COQ8A: variants seen among roughly 807,000 people sequenced by gnomAD.
COQ8A encodes the protein atypical kinase COQ8A, mitochondrial.
Under a neutral mutation model 65.0 loss-of-function variants are expected in COQ8A, and 51 were observed. The observed-to-expected ratio is 0.78, with a 90% CI of 0.63 to 0.99. COQ8A has a LOEUF of 0.99. Ranked by LOEUF, COQ8A falls within the 50% of genes least tolerant of loss-of-function variation. COQ8A has a pLI of 0.00. For synonymous variants in COQ8A, 371 were observed against 353.2 expected (o/e 1.05, Z -0.57); for missense variants, 940 against 875.0 (o/e 1.07, Z -0.94).
intron 1 of COQ8A, chr1:226,958,341 A>G (rs1465040220): frequency 6.6e-6 from 1 of 152,238 alleles, no homozygotes; most frequent in African/African-American, 2.4e-5. Flanking sequence ...GTACTGAGCT[A>G]CTGAGGAGGG....
intron 5 of COQ8A, 136 bp from the exon 6 acceptor site, chr1:226,981,891 G>C: frequency 7.5e-7 from 1 of 1,339,918 alleles, no homozygotes; most frequent in Non-Finnish European, 1.1e-6. Flanking sequence ...TGGAACAGTA[G>C]TTAGTTATGT....
At chr1:226,941,869 C>G (rs1346375174) in intron 1 of COQ8A, among the ~76,000 whole-genome samples, 1 of 151,956 alleles carries the variant, frequency 6.6e-6, no homozygotes, top group East Asian at 1.9e-4. Context: ...GATTTGGGGC[C>G]TAATGTTGAG....
At chr1:226,971,493 AGTGAGCCAAGATGGCGGC>A (rs1658907953) in intron 4 of COQ8A, among the ~76,000 whole-genome samples, 1 of 151,990 alleles carries the variant, frequency 6.6e-6, no homozygotes, top group Non-Finnish European at 1.5e-5. Context: ...TGGAGGTTGC[AGTGAGCCAAGATGGCGGC>A]GTTGCACTCC....
intron 3 of COQ8A, 99 bp from the exon 4 acceptor site, chr1:226,965,572 C>G: frequency 1.3e-6 from 2 of 1,521,650 alleles, no homozygotes; most frequent in Non-Finnish European, 1.8e-6. Context: ...GAGCTGCTGA[C>G]TGTGGGGTGG....
intron 1 of COQ8A, among the ~76,000 whole-genome samples, chr1:226,943,718 A>G (rs552065442): frequency 6.6e-5 from 10 of 152,242 alleles, no homozygotes; most frequent in Non-Finnish European, 1.0e-4. Flanking sequence ...TAATTTGCAT[A>G]CGGTAAATTC....
chr1:226,942,716 G>C (rs1054653488), intron 1 of COQ8A, among the ~76,000 whole-genome samples: 1 of 152,214 alleles, frequency 6.6e-6, no homozygotes, highest in Non-Finnish European at 1.5e-5. Flanking sequence ...TTACACAGCA[G>C]CGTGGACATG....
intron 4 of COQ8A, among the ~76,000 whole-genome samples, chr1:226,976,106 G>C (rs1220702367): frequency 2.7e-5 from 4 of 150,820 alleles, no homozygotes; most frequent in Admixed American, 6.6e-5. Context: ...GGGGCTGTGG[G>C]ACTGCGATGT....
Position 226,944,692 on chromosome 1 carries a change from TGAGAGAGAGAGAGAGAGAGAGAGAGA to T in COQ8A, c.-10+4325_-10+4350del, listed in dbSNP as rs1174520293. On this transcript the variant is annotated intron_variant, in intron 1 of 14. Coordinates refer to ENST00000366777, the MANE Select transcript of COQ8A (RefSeq NM_020247.5). Reference sequence around the variant, plus strand: ...CAGCATCCTTTGAGGAGTTGTACCCTGAGAGAGAGAGAGAGAGAGAGAGAGAGAGAGAGAGAGAGAGAGAGAGAGAG... The same window carrying T: ...CAGCATCCTTTGAGGAGTTGTACCCTGAGAGAGAGAGAGAGAGAGAGAGAG... 1.5e-3 allele frequency among the ~76,000 whole-genome samples: 130 copies of T among 86,746 alleles called. 4 individuals are homozygous for T. The highest frequency in any genetic ancestry group is 5.5e-3 in the African/African-American group (119 of 21,492). The allele number at this position is 86,746 out of a possible 152,430, so 56.9% of individuals were successfully genotyped here.
chr1:226,979,699 A>C (rs1173579186), intron 5 of COQ8A, among the ~76,000 whole-genome samples: 1 of 152,008 alleles, frequency 6.6e-6, no homozygotes, highest in Non-Finnish European at 1.5e-5. Flanking sequence ...TTCACCCACC[A>C]ACGCTGCCTT....
At position 226,946,892 on chromosome 1, in the gene COQ8A, G is replaced by C. The variant is rs1400889080; in HGVS notation, c.-10+6493G>C. On this transcript the variant is annotated intron_variant, in intron 1 of 14. Coordinates refer to ENST00000366777, the MANE Select transcript of COQ8A (RefSeq NM_020247.5). The surrounding 1 kb of genome is among the most constrained non-coding windows in gnomAD (Gnocchi z 5.3). ...TCCTCCTAGCTCTTGCACACCCAGAGGCAGTCTTCAGTGTAGGGCGTCTGC... is the reference window on the plus strand; with the variant it reads ...TCCTCCTAGCTCTTGCACACCCAGACGCAGTCTTCAGTGTAGGGCGTCTGC... Among the ~76,000 whole-genome samples, 1 of 152,072 alleles carries C rather than the reference G, an allele frequency of 6.6e-6. No homozygotes were observed. Among genetic ancestry groups the C allele is most frequent in the Non-Finnish European group, 1.5e-5 (1 of 68,010 alleles).
chr1:226,980,896 GGGGCAGA>G (rs1316082941), intron 5 of COQ8A, among the ~76,000 whole-genome samples: 2 of 152,208 alleles, frequency 1.3e-5, no homozygotes, highest in Non-Finnish European at 2.9e-5. Flanking sequence ...ACCCGGCTCC[GGGGCAGA>G]GGGCAGTGGC....
chr1:226,971,088 A>G lies in COQ8A; in HGVS notation c.655+5351A>G, dbSNP rs547780295. On this transcript the variant is annotated intron_variant, in intron 4 of 14. Transcript: ENST00000366777. ...CCTGAGTAGCTGGGATTACAGGTGC[A>G]TGCCACCACACCCAGCTAATTTTTG... 4.5e-3 allele frequency among the ~76,000 whole-genome samples: 678 copies of G among 151,768 alleles called. 3 individuals carry two copies. Among genetic ancestry groups the G allele is most frequent in the African/African-American group, 0.015 (632 of 41,468 alleles).
At chr1:226,974,575 A>T (rs546588456) in intron 4 of COQ8A, among the ~76,000 whole-genome samples, 17 of 152,194 alleles carry the variant, frequency 1.1e-4, no homozygotes, top group African/African-American at 3.9e-4. Context: ...GTTCTAATGG[A>T]GGGCAGAGGC....
chr1:226,985,407 G>C (rs1660039222), intron 14 of COQ8A, 67 bp downstream of exon 14: 1 of 1,568,894 alleles, frequency 6.4e-7, no homozygotes, highest in African/African-American at 1.4e-5. Context: ...TGTAAGAATG[G>C]ATGAAAGCAC....
At chr1:226,974,274 A>G (rs1230224283) in intron 4 of COQ8A, among the ~76,000 whole-genome samples, 1 of 152,142 alleles carries the variant, frequency 6.6e-6, no homozygotes, top group African/African-American at 2.4e-5. Flanking sequence ...CCTTCATTGC[A>G]TAACTTCTCT....
chr1:226,982,107 C>T lies in COQ8A; in HGVS notation c.811C>T (p.Arg271Cys), dbSNP rs145034527. The T allele has an allele frequency of 4.5e-5, 72 of 1,609,714 alleles. No individual in the cohort carries two copies. The highest frequency in any genetic ancestry group is 2.7e-5 in the Non-Finnish European group (32 of 1,178,806). ...GATCGTGCGCACGCTCTGCAAGGTGCGTGGTGCGGCACTCAAGCTGGGCCA... is the reference window on the plus strand; with the variant it reads ...GATCGTGCGCACGCTCTGCAAGGTGTGTGGTGCGGCACTCAAGCTGGGCCA... ...ERIVRTLCKV[R>C]GAALKLGQML... Residue 271 changes from arginine (R) to cysteine (C), a missense_variant, in exon 6 of 15, where the codon CGT becomes TGT. Transcript: ENST00000366777.
In COQ8A at chr1:226,983,790, C is replaced by T. The variant is rs1572081876; in HGVS notation, c.1192C>T (p.Leu398=). ...GLFPEHLIDV[L]RRELALECDY... Reference sequence around the variant, plus strand: ...GTTCCCCGAGCACCTGATCGACGTGCTGAGGCGGGAGCTGGCCCTGGAGTG... The same window carrying T: ...GTTCCCCGAGCACCTGATCGACGTGTTGAGGCGGGAGCTGGCCCTGGAGTG... The change falls in exon 10 of 15, where the codon CTG becomes TTG. Residue 398 remains leucine, a synonymous_variant. Transcript: ENST00000366777. 1 of 1,612,970 alleles carries T rather than the reference C, an allele frequency of 6.2e-7. No individual in the cohort carries two copies. The highest frequency in any genetic ancestry group is 8.5e-7 in the Non-Finnish European group (1 of 1,180,000).
intron 4 of COQ8A, among the ~76,000 whole-genome samples, chr1:226,975,973 C>T (rs1204375216): frequency 3.9e-5 from 6 of 152,306 alleles, no homozygotes; most frequent in South Asian, 4.1e-4. Context: ...CAAGCAGATG[C>T]CAGTTTCCTT....
At chr1:226,944,432 GA>G (rs1168922714) in intron 1 of COQ8A, among the ~76,000 whole-genome samples, 1 of 151,752 alleles carries the variant, frequency 6.6e-6, no homozygotes, top group East Asian at 1.9e-4. Flanking sequence ...GAAGGCAAAA[GA>G]AAAAAATAGG....
Sources: allele counts gnomAD v4.1 joint callset (sites outside exome capture counted in the v4.1 genomes callset), GRCh38; gene constraint gnomAD v4.1.1; non-coding constraint Gnocchi (gnomAD v3.1); transcripts MANE v1.5; gene names NCBI Gene and HGNC (gene_info 2026-07-23, HGNC 2026-07-21).